Variants in CTNNA1 observed in about 807,000 individuals in gnomAD.
The protein encoded by CTNNA1 is catenin alpha-1.
A neutral mutation model predicts 98.4 loss-of-function variants in CTNNA1; 37 were observed. The observed-to-expected ratio is 0.38, with a 90% CI of 0.29 to 0.49. The LOEUF is 0.49. Among genes scored for constraint, CTNNA1 ranks in the 20% least tolerant of loss-of-function variants. The pLI is 0.95. For missense variants in CTNNA1, 761 were observed against 1,147.2 expected, an observed-to-expected ratio of 0.66 and a Z score of 4.86; for synonymous variants, 404 against 413.2, an observed-to-expected ratio of 0.98 and a Z score of 0.27.
intron 7 of CTNNA1, among the ~76,000 whole-genome samples, chr5:138,833,708 C>CA (rs1470461385): frequency 6.6e-6 from 1 of 152,184 alleles, no homozygotes; most frequent in Non-Finnish European, 1.5e-5. Flanking sequence ...CAACTTTGTT[C>CA]AATGTCCAGA....
chr5:138,801,981 T>C (rs825762), intron 3 of CTNNA1, among the ~76,000 whole-genome samples: 105,463 of 152,068 alleles, frequency 0.69, 36,708 homozygotes, highest in East Asian at 0.93. Context: ...GAATGTGTGA[T>C]GTCATTAAAA....
intron 7 of CTNNA1, chr5:138,871,518 A>C (rs966858300): frequency 6.6e-6 from 1 of 152,186 alleles, no homozygotes; most frequent in Non-Finnish European, 1.5e-5. Context: ...TAACTATGGC[A>C]TGTTTATATT....
chr5:138,902,421 T>G (rs1297825913), intron 9 of CTNNA1, among the ~76,000 whole-genome samples: 1 of 152,186 alleles, frequency 6.6e-6, no homozygotes. Flanking sequence ...GGATCTTTGT[T>G]TTTTGTTTTT....
intron 5 of CTNNA1, among the ~76,000 whole-genome samples, chr5:138,812,967 T>G (rs1758998121): frequency 6.6e-6 from 1 of 152,256 alleles, no homozygotes; most frequent in South Asian, 2.1e-4. Context: ...AGCTTACGCT[T>G]TACATTCTTA....
rs562370246 is a variant in CTNNA1, at chr5:138,832,306, T to C, written c.1062+4588T>C. Among the ~76,000 whole-genome samples the C allele has an allele frequency of 2.6e-5, 4 of 152,344 alleles. No individual in the cohort carries two copies. In the South Asian group the frequency reaches 6.2e-4, roughly 24 times the overall value. On this transcript the variant is annotated intron_variant, in intron 7 of 17. Transcript: ENST00000302763. The stretch of plus-strand genomic sequence containing the variant: ...AGTAATGCATTTGACCTCTACTTAC[T>C]TAACATTAGGGAAATATCACAGACC...
chr5:138,778,011 T>TTTTTTA (rs1158300576), intron 1 of CTNNA1, among the ~76,000 whole-genome samples: 1 of 134,906 alleles, frequency 7.4e-6, no homozygotes. Flanking sequence ...TTTTTTTTTT[T>TTTTTTA]AAACAGAGTC....
At chr5:138,759,385 C>A (rs1310489670) in intron 1 of CTNNA1, among the ~76,000 whole-genome samples, 1 of 152,156 alleles carries the variant, frequency 6.6e-6, no homozygotes, top group Non-Finnish European at 1.5e-5. Context: ...GGCGCATGCA[C>A]CATGGTAACT....
At chr5:138,921,500 T>C (rs1473360513) in intron 11 of CTNNA1, among the ~76,000 whole-genome samples, 2 of 152,192 alleles carry the variant, frequency 1.3e-5, no homozygotes, top group East Asian at 3.8e-4. Flanking sequence ...CTAATTATTA[T>C]TGTACCTAAA....
At chr5:138,797,898 T>A (rs2662544) in intron 3 of CTNNA1, among the ~76,000 whole-genome samples, 112,518 of 151,458 alleles carry the variant, frequency 0.74, 42,048 homozygotes, top group East Asian at 0.99. Context: ...AAAAAAAATT[T>A]AAAAAAAGCA....
chr5:138,827,348 T>G (rs1268188873), intron 6 of CTNNA1, among the ~76,000 whole-genome samples, 167 bp from the exon 7 acceptor site: 1 of 152,140 alleles, frequency 6.6e-6, no homozygotes, highest in African/African-American at 2.4e-5. Context: ...TGATCAACAG[T>G]AGGCCATCTT....
intron 9 of CTNNA1, among the ~76,000 whole-genome samples, chr5:138,890,756 T>C (rs1755159286): frequency 6.6e-6 from 1 of 152,184 alleles, no homozygotes; most frequent in Non-Finnish European, 1.5e-5. Context: ...AAAGCCCCAG[T>C]CCTCTAATCA....
At chr5:138,797,875 A>G (rs1757136091) in intron 3 of CTNNA1, among the ~76,000 whole-genome samples, 1 of 122,554 alleles carries the variant, frequency 8.2e-6, no homozygotes. Context: ...AAACAAAACA[A>G]AAAAACTGCT....
At chr5:138,914,943 C>G (rs1420785683) in intron 10 of CTNNA1, among the ~76,000 whole-genome samples, 1 of 151,900 alleles carries the variant, frequency 6.6e-6, no homozygotes, top group Non-Finnish European at 1.5e-5. Flanking sequence ...GTCAGGAGAT[C>G]GAGACCATCC....
chr5:138,793,742 A>T (rs1369580504), intron 3 of CTNNA1, among the ~76,000 whole-genome samples: 1 of 152,228 alleles, frequency 6.6e-6, no homozygotes, highest in African/African-American at 2.4e-5. Flanking sequence ...TCAGGAAGTA[A>T]GTGCCTCTCT....
At chr5:138,927,423 C>G (rs1764311027) in intron 13 of CTNNA1, among the ~76,000 whole-genome samples, 1 of 152,196 alleles carries the variant, frequency 6.6e-6, no homozygotes, top group African/African-American at 2.4e-5. Flanking sequence ...GCTATTCACG[C>G]AGTTCCCTGG....
chr5:138,836,576 A>G (rs543303304), intron 7 of CTNNA1, among the ~76,000 whole-genome samples: 1 of 152,224 alleles, frequency 6.6e-6, no homozygotes, highest in Non-Finnish European at 1.5e-5. Context: ...CTAATACCAG[A>G]AAGATGCATG....
At chr5:138,802,157 G>C (rs1037997990) in intron 3 of CTNNA1, among the ~76,000 whole-genome samples, 4 of 152,144 alleles carry the variant, frequency 2.6e-5, no homozygotes, top group Non-Finnish European at 5.9e-5. Context: ...AGAAGGCAGG[G>C]AAGCATTGTT....
chr5:138,874,378 C>G lies in CTNNA1; in HGVS notation c.1063-11834C>G, dbSNP rs780779454. The G allele has an allele frequency of 9.3e-6, 15 of 1,613,872 alleles. No individual in the cohort carries two copies. The South Asian group carries it at 9.9e-5, about 11-fold the overall frequency. On this transcript the variant is annotated intron_variant, in intron 7 of 17. Coordinates refer to ENST00000302763, the MANE Select transcript of CTNNA1 (RefSeq NM_001903.5). The surrounding 1 kb of genome is among the most constrained non-coding windows in gnomAD (Gnocchi z 4.1). ...GCCTCAGGGACAGGCCCAGAGAGCC[C>G]TTGTCTGTGGCGTTTGGCACTGAGT...
chr5:138,930,985 G>GGCA (rs776748242), intron 16 of CTNNA1, 50 bp downstream of exon 16: 4 of 1,232,928 alleles, frequency 3.2e-6, no homozygotes, highest in Non-Finnish European at 4.8e-6. Flanking sequence ...CTGGGGCTCA[G>GGCA]GCAGCCCAGC....
Sources: gnomAD v4.1 joint callset for allele counts (sites outside exome capture counted in the v4.1 genomes callset) on GRCh38, gnomAD v4.1.1 for gene constraint, Gnocchi (gnomAD v3.1) non-coding constraint, MANE v1.5 for transcripts, NCBI Gene and HGNC (gene_info 2026-07-23, HGNC 2026-07-21) for gene names.